ROBO1: variants seen among roughly 807,000 people sequenced by gnomAD.
ROBO1 encodes roundabout guidance receptor 1.
Under a neutral mutation model 195.9 loss-of-function variants are expected in ROBO1, and 149 were observed. The ratio of observed to expected loss-of-function variants is 0.76; its 90% CI spans 0.67 to 0.87. The LOEUF (loss-of-function observed/expected upper bound fraction) is 0.87. Ranked by LOEUF, ROBO1 falls within the 40% of genes least tolerant of loss-of-function variation. ROBO1 has a pLI of 0.00. For missense variants in ROBO1, 1,933 were observed against 2,068.3 expected (o/e 0.93, Z 1.27); for synonymous variants, 816 against 733.2 (o/e 1.11, Z -1.82).
At chr3:79,681,412 A>G (rs912349686) in intron 1 of ROBO1, among the ~76,000 whole-genome samples, 5 of 152,024 alleles carry the variant, frequency 3.3e-5, no homozygotes, top group African/African-American at 9.7e-5. Flanking sequence ...AGTTGAGTAT[A>G]TAGAGAATAT....
intron 2 of ROBO1, among the ~76,000 whole-genome samples, chr3:79,237,434 T>C (rs993948579): frequency 7.9e-5 from 12 of 150,958 alleles, no homozygotes; most frequent in Admixed American, 1.3e-4. Context: ...TGAGCCGAGA[T>C]TGCACCACTG....
intron 2 of ROBO1, among the ~76,000 whole-genome samples, chr3:79,380,135 C>T (rs1469008135): frequency 6.6e-6 from 1 of 152,102 alleles, no homozygotes; most frequent in Non-Finnish European, 1.5e-5. Flanking sequence ...ATGTGATCTC[C>T]TTTCAACTTT....
chr3:79,105,311 A>C (rs2079757911), intron 3 of ROBO1, among the ~76,000 whole-genome samples: 1 of 151,792 alleles, frequency 6.6e-6, no homozygotes, highest in Non-Finnish European at 1.5e-5. Context: ...GTGCATAATC[A>C]GGCAATTTAG....
chr3:78,696,528 T>A (rs758122458), intron 8 of ROBO1, among the ~76,000 whole-genome samples: 1 of 151,908 alleles, frequency 6.6e-6, no homozygotes. Flanking sequence ...AATCAATTAG[T>A]GGTGAAGAAT....
chr3:78,953,125 A>G (rs1341370001), intron 3 of ROBO1, among the ~76,000 whole-genome samples: 1 of 152,074 alleles, frequency 6.6e-6, no homozygotes. Flanking sequence ...TTAATAATAC[A>G]TAGACAACTA....
chr3:79,694,003 TA>T (rs747476915), intron 1 of ROBO1, among the ~76,000 whole-genome samples: 7 of 150,574 alleles, frequency 4.6e-5, no homozygotes, highest in Non-Finnish European at 7.4e-5. Context: ...CGTGTTAACT[TA>T]AAAAAAAAGA....
chr3:79,279,079 G>C (rs1349865435), intron 2 of ROBO1, among the ~76,000 whole-genome samples: 2 of 151,946 alleles, frequency 1.3e-5, no homozygotes, highest in African/African-American at 4.8e-5. Context: ...TTTGAGACTA[G>C]CCTGGCCAAC....
intron 3 of ROBO1, among the ~76,000 whole-genome samples, chr3:79,105,976 T>C (rs2079771514): frequency 6.6e-6 from 1 of 151,702 alleles, no homozygotes; most frequent in Non-Finnish European, 1.5e-5. Flanking sequence ...TTGGTTTCTG[T>C]TAAATTTAAA....
intron 2 of ROBO1, among the ~76,000 whole-genome samples, chr3:79,306,638 T>C (rs2033237226): frequency 6.6e-6 from 1 of 152,212 alleles, no homozygotes; most frequent in Non-Finnish European, 1.5e-5. Flanking sequence ...CAATATATAG[T>C]ATTATTTTGT....
intron 1 of ROBO1, among the ~76,000 whole-genome samples, chr3:79,663,384 T>C (rs1257503259): frequency 6.6e-6 from 1 of 152,106 alleles, no homozygotes; most frequent in African/African-American, 2.4e-5. Flanking sequence ...ACATATACCA[T>C]TGTGCACCAG....
At chr3:79,382,450 C>A in intron 2 of ROBO1, among the ~76,000 whole-genome samples, 1 of 151,474 alleles carries the variant, frequency 6.6e-6, no homozygotes, top group East Asian at 2.0e-4. Context: ...ACAAGATATT[C>A]AAGAGTCTTG....
chr3:78,606,811 G>C lies in ROBO1; in HGVS notation c.4666C>G (p.Gln1556Glu). The change falls in exon 29 of 31, where the codon CAG (glutamine) becomes GAG (glutamate). Residue 1556 changes from glutamine to glutamate, a missense_variant. By Grantham distance (29) the Gln-to-Glu change is conservative. This residue lies in a region of ROBO1 where 1,737 missense variants were observed against 1,882.5 expected (regional missense o/e 0.92). Transcript: ENST00000464233. Reference protein sequence around the residue: ...NPGDPREAQEQQNDGKGRGNK... With the variant: ...NPGDPREAQEEQNDGKGRGNK... Reference sequence around the variant, plus strand: ...CCACGTCCTTTCCCGTCATTTTGCTGTTCCTGTGCTTCTCTGGGATCACCT... The same window carrying C: ...CCACGTCCTTTCCCGTCATTTTGCTCTTCCTGTGCTTCTCTGGGATCACCT... 1 of 1,613,874 alleles carries C rather than the reference G, an allele frequency of 6.2e-7. No individual in the cohort carries two copies. The highest frequency in any genetic ancestry group is 8.5e-7 in the Non-Finnish European group (1 of 1,179,864).
intron 18 of ROBO1, among the ~76,000 whole-genome samples, chr3:78,655,452 G>T (rs1490539910): frequency 6.6e-6 from 1 of 152,080 alleles, no homozygotes; most frequent in African/African-American, 2.4e-5. Flanking sequence ...CAGGCCCAGG[G>T]TCCACTTCAG....
chr3:79,493,615 GTTT>G (rs1197677703), intron 2 of ROBO1, among the ~76,000 whole-genome samples: 3 of 151,956 alleles, frequency 2.0e-5, no homozygotes, highest in African/African-American at 7.2e-5. Context: ...TTGAAAAAAG[GTTT>G]TTTATTTTAT....
intron 1 of ROBO1, among the ~76,000 whole-genome samples, chr3:79,672,789 T>G (rs1217180220): frequency 2.0e-5 from 3 of 151,932 alleles, no homozygotes; most frequent in Non-Finnish European, 4.4e-5. Context: ...TTCTGATACT[T>G]GAATGTAATG....
intron 1 of ROBO1, among the ~76,000 whole-genome samples, chr3:79,744,339 C>T (rs1703779215): frequency 6.6e-6 from 1 of 151,974 alleles, no homozygotes; most frequent in Admixed American, 6.6e-5. Context: ...GCGTGAGGTA[C>T]TGGGTGTGAA....
intron 8 of ROBO1, among the ~76,000 whole-genome samples, chr3:78,698,778 A>T (rs1237151370): frequency 6.6e-6 from 1 of 152,172 alleles, no homozygotes; most frequent in African/African-American, 2.4e-5. Flanking sequence ...ATTTCAACCC[A>T]TATATACAAA....
intron 1 of ROBO1, among the ~76,000 whole-genome samples, chr3:79,699,249 G>A (rs947482357): frequency 1.3e-5 from 2 of 151,226 alleles, no homozygotes; most frequent in Non-Finnish European, 3.0e-5. Flanking sequence ...TTCCTGAGGC[G>A]TGAAAATAAT....
At chr3:78,917,798 A>G (rs1293966556) in intron 4 of ROBO1, among the ~76,000 whole-genome samples, 1 of 152,224 alleles carries the variant, frequency 6.6e-6, no homozygotes, top group Non-Finnish European at 1.5e-5. Context: ...TGGCCTATTA[A>G]CAATTCTAAT....
Sources: gnomAD v4.1 joint callset for allele counts (sites outside exome capture counted in the v4.1 genomes callset) on GRCh38, gnomAD v4.1.1 for gene constraint, gnomAD v4.1.1 regional missense constraint, MANE v1.5 for transcripts, NCBI Gene and HGNC (gene_info 2026-07-23, HGNC 2026-07-21) for gene names.